SLC5A11: variants seen among roughly 807,000 people sequenced by gnomAD.
The protein encoded by SLC5A11 is solute carrier family 5 member 11.
Under a neutral mutation model 69.8 loss-of-function variants are expected in SLC5A11, and 48 were observed. That is an observed-to-expected ratio of 0.69 (90% CI 0.55 to 0.87). SLC5A11 has a LOEUF of 0.87. Ranked by LOEUF, SLC5A11 falls within the 40% of genes least tolerant of loss-of-function variation. SLC5A11 has a pLI of 0.00. For synonymous variants in SLC5A11, 319 were observed against 342.4 expected (o/e 0.93, Z 0.75); for missense variants, 784 against 866.1 (o/e 0.91, Z 1.19).
intron 1 of SLC5A11, among the ~76,000 whole-genome samples, chr16:24,855,548 C>T (rs2059492543): frequency 1.3e-5 from 2 of 151,866 alleles, no homozygotes; most frequent in Admixed American, 1.3e-4. Flanking sequence ...TTGCAGTGAG[C>T]TGTGATTGTG....
chr16:24,890,781 T>C (rs915323544), intron 8 of SLC5A11, 88 bp from the exon 10 acceptor site: 3 of 1,288,172 alleles, frequency 2.3e-6, no homozygotes, highest in African/African-American at 1.5e-5. Flanking sequence ...CTGGTCCTAC[T>C]AGAATTTCAC....
At chr16:24,872,079 G>A (rs2047339088) in intron 4 of SLC5A11, 81 bp from the exon 6 acceptor site, 1 of 1,514,646 alleles carries the variant, frequency 6.6e-7, no homozygotes, top group African/African-American at 1.4e-5. Flanking sequence ...AGGCCAGGCT[G>A]CCTCAGGGCG....
At chr16:24,851,176 G>T (rs1157856305) in intron 1 of SLC5A11, among the ~76,000 whole-genome samples, 1 of 151,702 alleles carries the variant, frequency 6.6e-6, no homozygotes, top group Non-Finnish European at 1.5e-5. Flanking sequence ...CTGTCACCAG[G>T]CTGGAATGCA....
chr16:24,910,359 A>T (rs2050419324), exon 15 of SLC5A11: 3 of 1,613,956 alleles, frequency 1.9e-6, no homozygotes, highest in Non-Finnish European at 2.5e-6. Flanking sequence ...AGAAGGAACA[A>T]GCACCACCAG....
intron 8 of SLC5A11, among the ~76,000 whole-genome samples, chr16:24,886,259 T>A (rs1229660371): frequency 1.3e-5 from 2 of 152,112 alleles, no homozygotes; most frequent in African/African-American, 4.8e-5. Flanking sequence ...GGTCTCCATC[T>A]CTTGACCTCA....
chr16:24,908,249 A>C lies in SLC5A11; in HGVS notation c.1434+118A>C, dbSNP rs2050222487. ...AGGCTGGAATTGGGTGTTGAGAGGGAGGGTGAGTTCCATTGGTGGAAGATA... is the reference window on the plus strand; with the variant it reads ...AGGCTGGAATTGGGTGTTGAGAGGGCGGGTGAGTTCCATTGGTGGAAGATA... On this transcript the variant is annotated intron_variant, in intron 13 of 15. Transcript: ENST00000347898. 3 of 1,189,288 alleles carry C rather than the reference A, an allele frequency of 2.5e-6. No individual in the cohort carries two copies. The Admixed American group carries it at 7.5e-5, about 30-fold the overall frequency. The allele number at this position is 1,189,288 out of a possible 1,614,324, so 73.7% of individuals were successfully genotyped here.
intron 8 of SLC5A11, among the ~76,000 whole-genome samples, chr16:24,890,282 G>A (rs903110854): frequency 6.6e-6 from 1 of 151,838 alleles, no homozygotes; most frequent in Non-Finnish European, 1.5e-5. Context: ...TCAGGAGTTC[G>A]AGACCAGCCT....
intron 7 of SLC5A11, among the ~76,000 whole-genome samples, chr16:24,880,876 G>A (rs929074473): frequency 3.9e-5 from 6 of 151,950 alleles, no homozygotes; most frequent in Non-Finnish European, 5.9e-5. Context: ...CGCCAACGTC[G>A]GTTATCTTTT....
At chr16:24,857,116 G>A (rs1177058425) in intron 1 of SLC5A11, among the ~76,000 whole-genome samples, 1 of 152,210 alleles carries the variant, frequency 6.6e-6, no homozygotes, top group Non-Finnish European at 1.5e-5. Context: ...CACTGAGCCC[G>A]GCCAAGGTGT....
chr16:24,888,872 C>CT (rs994524545), intron 8 of SLC5A11, among the ~76,000 whole-genome samples: 5 of 142,088 alleles, frequency 3.5e-5, no homozygotes, highest in South Asian at 2.4e-4. Flanking sequence ...TCTTGGCTCA[C>CT]TGCAACCTCC....
chr16:24,874,202 C>G (rs958467062), intron 5 of SLC5A11, among the ~76,000 whole-genome samples: 1 of 152,162 alleles, frequency 6.6e-6, no homozygotes, highest in Admixed American at 6.5e-5. Context: ...TAGTGTGACT[C>G]ACATTCCAAT....
At chr16:24,899,746 C>A (rs1046121808) in intron 10 of SLC5A11, among the ~76,000 whole-genome samples, 13 of 151,988 alleles carry the variant, frequency 8.6e-5, no homozygotes, top group Non-Finnish European at 4.4e-5. Context: ...CTCTGTCACC[C>A]AGGCTGGAGT....
At chr16:24,910,568 A>G in intron 15 of SLC5A11, 91 bp downstream of exon 16, 1 of 1,387,946 alleles carries the variant, frequency 7.2e-7, no homozygotes, top group Non-Finnish European at 9.7e-7. Context: ...ACAAGCCAGG[A>G]AAGTGGGCAG....
intron 2 of SLC5A11, chr16:24,861,934 G>A (rs2046595132): frequency 6.6e-6 from 1 of 152,056 alleles, no homozygotes. Flanking sequence ...GAAGCTCAAG[G>A]GAACTAGTTT....
At chr16:24,859,092 GTA>G (rs1293111021) in intron 2 of SLC5A11, 2 of 205,516 alleles carry the variant, frequency 9.7e-6, no homozygotes, top group Admixed American at 6.0e-5. Flanking sequence ...TCCTCATCCT[GTA>G]AGTTAGGAGA....
At chr16:24,873,135 CAGAAGGAAAGGAAAGGAA>C (rs2047422806) in intron 5 of SLC5A11, among the ~76,000 whole-genome samples, 2 of 132,036 alleles carry the variant, frequency 1.5e-5, no homozygotes, top group Admixed American at 8.4e-5. Flanking sequence ...GGGACTCCGT[CAGAAGGAAAGGAAAGGAA>C]AGAAGGAAAG....
chr16:24,850,864 G>A (rs896548827), intron 1 of SLC5A11, among the ~76,000 whole-genome samples: 1 of 151,452 alleles, frequency 6.6e-6, no homozygotes, highest in Non-Finnish European at 1.5e-5. Flanking sequence ...AGGCTAGAGT[G>A]CAGTGGTGAA....
chr16:24,875,062 C>T (rs569837461), intron 5 of SLC5A11, among the ~76,000 whole-genome samples: 1 of 152,256 alleles, frequency 6.6e-6, no homozygotes, highest in African/African-American at 2.4e-5. Flanking sequence ...TGGTCTTGAA[C>T]TCCTGGGCTC....
intron 3 of SLC5A11, among the ~76,000 whole-genome samples, chr16:24,863,049 T>C (rs1460238111): frequency 9.5e-6 from 1 of 105,408 alleles, no homozygotes; most frequent in Non-Finnish European, 2.4e-5. Flanking sequence ...ATTTATGTAA[T>C]ATATAGTTAT....
Sources: gnomAD v4.1 joint callset for allele counts (sites outside exome capture counted in the v4.1 genomes callset) on GRCh38, gnomAD v4.1.1 for gene constraint, MANE v1.5 for transcripts, NCBI Gene and HGNC (gene_info 2026-07-23, HGNC 2026-07-21) for gene names.